The following DAB1 variants were observed in gnomAD, a reference collection of about 807,000 sequenced individuals.
The protein encoded by DAB1 is disabled homolog 1.
A neutral mutation model predicts 64.6 loss-of-function variants in DAB1; 15 were observed. The ratio of observed to expected loss-of-function variants is 0.23; its 90% CI spans 0.16 to 0.36. The LOEUF (loss-of-function observed/expected upper bound fraction) is 0.36. Ranked by LOEUF, DAB1 falls within the 10% of genes least tolerant of loss-of-function variation. The pLI, the probability that DAB1 is intolerant of heterozygous loss-of-function variation, is 1.00. For synonymous variants in DAB1, 235 were observed against 251.9 expected (o/e 0.93, Z 0.64); for missense variants, 596 against 706.7 (o/e 0.84, Z 1.78).
intron 4 of DAB1, among the ~76,000 whole-genome samples, chr1:58,177,185 C>A (rs971804639): frequency 6.6e-6 from 1 of 152,096 alleles, no homozygotes; most frequent in Non-Finnish European, 1.5e-5. Context: ...TAAGCTAGAA[C>A]TCAACCTAAA....
intron 3 of DAB1, among the ~76,000 whole-genome samples, chr1:58,496,094 C>G (rs895057577): frequency 2.6e-5 from 4 of 151,842 alleles, no homozygotes; most frequent in Non-Finnish European, 4.4e-5. Flanking sequence ...AAGACATGTA[C>G]AAATGTATCT....
intron 1 of DAB1, among the ~76,000 whole-genome samples, chr1:57,861,765 A>G (rs974584085): frequency 6.7e-6 from 1 of 148,836 alleles, no homozygotes. Flanking sequence ...AACATAGTAT[A>G]TATGTATATT....
intron 7 of DAB1, among the ~76,000 whole-genome samples, chr1:57,611,890 AACTCGAAATTCCAT>A (rs1219335521): frequency 6.6e-6 from 1 of 152,152 alleles, no homozygotes; most frequent in Non-Finnish European, 1.5e-5. Flanking sequence ...ACTTAGAATA[AACTCGAAATTCCAT>A]ACCTGACTTC....
At chr1:58,265,644 T>C (rs1661142597) in intron 4 of DAB1, among the ~76,000 whole-genome samples, 1 of 152,172 alleles carries the variant, frequency 6.6e-6, no homozygotes, top group Non-Finnish European at 1.5e-5. Flanking sequence ...ATTTTCTACT[T>C]TAAATAACCT....
intron 7 of DAB1, among the ~76,000 whole-genome samples, chr1:57,524,703 G>A (rs1198964352): frequency 6.6e-6 from 1 of 152,156 alleles, no homozygotes; most frequent in Non-Finnish European, 1.5e-5. Flanking sequence ...TGATCAGTTA[G>A]GGTGGGGCAG....
chr1:58,370,669 T>A (rs1436651399), intron 3 of DAB1, among the ~76,000 whole-genome samples: 1 of 152,190 alleles, frequency 6.6e-6, no homozygotes, highest in African/African-American at 2.4e-5. Context: ...CAAATTGTAA[T>A]CCCCACGTGT....
upstream of DAB1, among the ~76,000 whole-genome samples, chr1:57,427,631 G>T (rs1272491917): frequency 6.6e-6 from 1 of 152,066 alleles, no homozygotes; most frequent in Admixed American, 6.6e-5. Flanking sequence ...TCCTACAATT[G>T]TTTCAATTAG....
chr1:57,226,233 C>A (rs1667249006), intron 2 of DAB1, among the ~76,000 whole-genome samples: 1 of 152,170 alleles, frequency 6.6e-6, no homozygotes, highest in South Asian at 2.1e-4. Flanking sequence ...TAGCAGAGAC[C>A]TCTCCCCTGA....
At chr1:58,129,242 C>T (rs1255613319) in intron 5 of DAB1, among the ~76,000 whole-genome samples, 5 of 151,548 alleles carry the variant, frequency 3.3e-5, no homozygotes, top group South Asian at 2.1e-4. Context: ...AGTTTATTTG[C>T]GTAGAGGTGT....
At chr1:57,466,448 C>T (rs1313524617) in intron 7 of DAB1, among the ~76,000 whole-genome samples, 1 of 152,110 alleles carries the variant, frequency 6.6e-6, no homozygotes, top group African/African-American at 2.4e-5. Context: ...AAGTGTGAGA[C>T]TGTGAGAAAA....
chr1:57,400,722 C>T (rs944759745), intron 1 of DAB1, among the ~76,000 whole-genome samples: 1 of 151,912 alleles, frequency 6.6e-6, no homozygotes, highest in African/African-American at 2.4e-5. Flanking sequence ...ACTGCATTAC[C>T]ATCTAGTAAT....
chr1:58,234,876 C>G (rs12039452), intron 4 of DAB1, among the ~76,000 whole-genome samples: 2,782 of 152,268 alleles, frequency 0.018, 141 homozygotes, highest in South Asian at 0.12. Flanking sequence ...TTCCTAGATT[C>G]TGTAGGTACA....
chr1:58,250,983 AGT>A (rs1038637138), intron 4 of DAB1, among the ~76,000 whole-genome samples: 1 of 152,198 alleles, frequency 6.6e-6, no homozygotes, highest in African/African-American at 2.4e-5. Flanking sequence ...CCCACAATCA[AGT>A]GTGTCGGCAC....
intron 7 of DAB1, among the ~76,000 whole-genome samples, chr1:57,624,407 A>G (rs894807082): frequency 6.6e-6 from 1 of 152,124 alleles, no homozygotes; most frequent in Non-Finnish European, 1.5e-5. Flanking sequence ...GAAACGATGA[A>G]AGGAACAAAA....
chr1:58,262,201 C>T (rs1661062206), intron 4 of DAB1, among the ~76,000 whole-genome samples: 1 of 152,078 alleles, frequency 6.6e-6, no homozygotes, highest in Non-Finnish European at 1.5e-5. Flanking sequence ...AGAGGAGGAG[C>T]CTATAGAGGG....
At chr1:57,822,452 T>C (rs904732802), downstream of DAB1, among the ~76,000 whole-genome samples, 1 of 152,002 alleles carries the variant, frequency 6.6e-6, no homozygotes, top group Non-Finnish European at 1.5e-5. Flanking sequence ...ACCCAAGAGC[T>C]CCAGATGTAT....
At chr1:58,325,139 T>C (rs1310806594) in intron 4 of DAB1, among the ~76,000 whole-genome samples, 2 of 152,150 alleles carry the variant, frequency 1.3e-5, no homozygotes, top group African/African-American at 4.8e-5. Context: ...AACTGAATCC[T>C]GGGGCCCAGG....
chr1:57,091,010 T>C (rs768294392), intron 4 of DAB1, among the ~76,000 whole-genome samples: 1 of 152,090 alleles, frequency 6.6e-6, no homozygotes, highest in African/African-American at 2.4e-5. Context: ...CCTGAAACTA[T>C]CCCTCACCCC....
At chr1:57,381,048 G>A (rs535601838) in intron 1 of DAB1, among the ~76,000 whole-genome samples, 1 of 152,182 alleles carries the variant, frequency 6.6e-6, no homozygotes, top group South Asian at 2.1e-4. Context: ...CATGTAACCT[G>A]CTTATTGTAA....
Sources: gnomAD v4.1 joint callset for allele counts (sites outside exome capture counted in the v4.1 genomes callset) on GRCh38, gnomAD v4.1.1 for gene constraint, MANE v1.5 for transcripts, NCBI Gene and HGNC (gene_info 2026-07-23, HGNC 2026-07-21) for gene names.